AP3B1: variants seen among roughly 807,000 people sequenced by gnomAD.
The protein encoded by AP3B1 is adaptor related protein complex 3 subunit beta 1, also known as AP-3 complex subunit beta-1.
Under a neutral mutation model 132.5 loss-of-function variants are expected in AP3B1, and 61 were observed. The ratio of observed to expected loss-of-function variants is 0.46; its 90% CI spans 0.37 to 0.57. The LOEUF is 0.57. AP3B1 is among the 20% of genes least tolerant of loss of function. AP3B1 has a pLI of 0.00. For missense variants in AP3B1, 1,120 were observed against 1,289.4 expected, an observed-to-expected ratio of 0.87 and a Z score of 2.01; for synonymous variants, 388 against 438.3, an observed-to-expected ratio of 0.89 and a Z score of 1.43.
intron 17 of AP3B1, among the ~76,000 whole-genome samples, chr5:78,119,467 A>G (rs2112275104): frequency 6.6e-6 from 1 of 152,326 alleles, no homozygotes; most frequent in South Asian, 2.1e-4. Context: ...ATGGATACCT[A>G]GAATAACCAA....
Position 78,133,974 on chromosome 5 carries a change from A to G in AP3B1, c.1651-4667T>C, listed in dbSNP as rs115847491. Among the ~76,000 whole-genome samples, 1,441 of 152,006 alleles carry G rather than the reference A, an allele frequency of 9.5e-3. 25 individuals carry two copies. The highest frequency in any genetic ancestry group is 0.032 in the African/African-American group (1,329 of 41,472). On this transcript the variant is annotated intron_variant, in intron 15 of 26. Coordinates refer to ENST00000255194, the MANE Select transcript of AP3B1 (RefSeq NM_003664.5). ...AAGAAATTCATTATTACACAGTGAA[A>G]CCCCATCTCTACTAAAAATACAAAA...
intron 9 of AP3B1, 121 bp from the exon 10 acceptor site, chr5:78,175,959 T>C (rs1375343437): frequency 1.2e-6 from 1 of 817,830 alleles, no homozygotes. Context: ...TTAAATGTAA[T>C]AATGAAAAGT....
intron 22 of AP3B1, among the ~76,000 whole-genome samples, chr5:78,064,260 AGCATTACCTTATATAC>A (rs1215473909): frequency 1.3e-5 from 2 of 151,748 alleles, no homozygotes; most frequent in Admixed American, 1.3e-4. Flanking sequence ...TTCCTTAAGA[AGCATTACCTTATATAC>A]GCATGTTTAG....
chr5:78,046,587 C>T (rs997923339), intron 22 of AP3B1, among the ~76,000 whole-genome samples: 1 of 152,138 alleles, frequency 6.6e-6, no homozygotes, highest in African/African-American at 2.4e-5. Context: ...GTAATGCCTC[C>T]CTCTGGGGCA....
chr5:78,162,953 TA>T lies in AP3B1; in HGVS notation c.1231-3del, dbSNP rs1346100274. ...TTTATCCTGGCTTTTCACATAGGTCTAAAAGATATTATTTCAATTAGTTTAC... is the reference window on the plus strand; with the variant it reads ...TTTATCCTGGCTTTTCACATAGGTCTAAAGATATTATTTCAATTAGTTTAC... On this transcript the variant is annotated splice_region_variant and splice_polypyrimidine_tract_variant and intron_variant, in intron 12 of 26. Coordinates refer to ENST00000255194, the MANE Select transcript of AP3B1 (RefSeq NM_003664.5). The T allele has an allele frequency of 6.2e-7, 1 of 1,612,954 alleles. No homozygotes were observed. The highest frequency in any genetic ancestry group is 1.3e-5 in the African/African-American group (1 of 74,910).
At chr5:78,088,272 T>C (rs1185950339) in intron 22 of AP3B1, among the ~76,000 whole-genome samples, 1 of 152,234 alleles carries the variant, frequency 6.6e-6, no homozygotes, top group East Asian at 1.9e-4. Flanking sequence ...TTTTAATGTG[T>C]CTTTTCCTTT....
Position 78,077,607 on chromosome 5 carries a change from A to G in AP3B1, c.2577+11786T>C, listed in dbSNP as rs146863766. On this transcript the variant is annotated intron_variant, in intron 22 of 26. Coordinates refer to ENST00000255194, the MANE Select transcript of AP3B1 (RefSeq NM_003664.5). ...TACACATGTTATACTTAAACCCTAC[A>G]TTGAAATACTGTTTCAGCAATACTC... Among the ~76,000 whole-genome samples the G allele has an allele frequency of 5.1e-3, 782 of 152,284 alleles. 7 individuals carry two copies. The highest frequency in any genetic ancestry group is 0.018 in the African/African-American group (740 of 41,552).
chr5:78,140,110 A>C (rs1753082459), intron 15 of AP3B1, among the ~76,000 whole-genome samples: 1 of 152,240 alleles, frequency 6.6e-6, no homozygotes, highest in Admixed American at 6.5e-5. Flanking sequence ...CACAGAGAAT[A>C]GCAATTCAGA....
intron 22 of AP3B1, among the ~76,000 whole-genome samples, chr5:78,080,958 G>T (rs913399376): frequency 6.6e-6 from 1 of 152,110 alleles, no homozygotes; most frequent in Non-Finnish European, 1.5e-5. Context: ...TGAAGTATCA[G>T]GTAAGTAAGT....
chr5:78,237,867 G>A (rs1746948149), intron 3 of AP3B1, among the ~76,000 whole-genome samples: 1 of 152,192 alleles, frequency 6.6e-6, no homozygotes, highest in African/African-American at 2.4e-5. Context: ...ATCCAGTGAT[G>A]CATTGCTTAA....
chr5:78,038,555 T>G (rs764719884), intron 23 of AP3B1, among the ~76,000 whole-genome samples: 1 of 152,248 alleles, frequency 6.6e-6, no homozygotes, highest in African/African-American at 2.4e-5. Flanking sequence ...TTGGTCAAGC[T>G]TGGTCTATAT....
At chr5:78,285,905 A>C (rs1580595506) in intron 1 of AP3B1, among the ~76,000 whole-genome samples, 1 of 152,168 alleles carries the variant, frequency 6.6e-6, no homozygotes, top group Admixed American at 6.5e-5. Context: ...TTACTGTAAT[A>C]GTCTCCTTGC....
intron 17 of AP3B1, among the ~76,000 whole-genome samples, chr5:78,122,360 G>C (rs1215906002): frequency 1.3e-5 from 2 of 152,184 alleles, no homozygotes; most frequent in Non-Finnish European, 2.9e-5. Flanking sequence ...AGTTAGGCAG[G>C]AGAAGGAAAT....
At position 78,109,697 on chromosome 5, in the gene AP3B1, G is replaced by T. The variant is rs1390813098; in HGVS notation, c.2397+510C>A. 2.6e-5 allele frequency among the ~76,000 whole-genome samples: 4 copies of T among 151,780 alleles called. No homozygotes were observed. In the East Asian group the frequency reaches 7.7e-4, roughly 29 times the overall value. On this transcript the variant is annotated intron_variant, in intron 20 of 26. Transcript: ENST00000255194. ...ACTTTATTTTTTTCCTGCTAAGCAG[G>T]CAAAATTCAGTGTTAAAAATGTTAT...
chr5:78,183,867 TAAAA>T (rs899886034), intron 7 of AP3B1, among the ~76,000 whole-genome samples: 2 of 71,548 alleles, frequency 2.8e-5, no homozygotes, highest in African/African-American at 1.2e-4. Flanking sequence ...AATTCCATCT[TAAAA>T]AAAAAAAAAA....
intron 22 of AP3B1, among the ~76,000 whole-genome samples, chr5:78,053,240 T>G (rs1057216678): frequency 6.6e-6 from 1 of 152,250 alleles, no homozygotes; most frequent in Non-Finnish European, 1.5e-5. Context: ...CACTGTCTCC[T>G]GCATTCATTT....
At chr5:78,143,611 T>C (rs902105981) in intron 14 of AP3B1, among the ~76,000 whole-genome samples, 2 of 152,112 alleles carry the variant, frequency 1.3e-5, no homozygotes, top group African/African-American at 4.8e-5. Flanking sequence ...CCCTTTCTCT[T>C]CCCATTAAGC....
intron 15 of AP3B1, among the ~76,000 whole-genome samples, chr5:78,131,760 T>G (rs1453042352): frequency 1.3e-5 from 2 of 152,142 alleles, no homozygotes; most frequent in African/African-American, 4.8e-5. Flanking sequence ...TTTAACCTGT[T>G]CAGTTCTTCC....
At chr5:78,148,081 C>T (rs1054925488) in intron 14 of AP3B1, among the ~76,000 whole-genome samples, 1 of 151,552 alleles carries the variant, frequency 6.6e-6, no homozygotes, top group Non-Finnish European at 1.5e-5. Context: ...AAAGTTTACA[C>T]ATCAAAAGTA....
Sources: allele counts gnomAD v4.1 joint callset (sites outside exome capture counted in the v4.1 genomes callset), GRCh38; gene constraint gnomAD v4.1.1; transcripts MANE v1.5; gene names NCBI Gene and HGNC (gene_info 2026-07-23, HGNC 2026-07-21).